KYAT3: variants seen among roughly 807,000 people sequenced by gnomAD.
The protein encoded by KYAT3 is kynurenine--oxoglutarate transaminase 3.
A neutral mutation model predicts 59.0 loss-of-function variants in KYAT3; 50 were observed. The observed-to-expected ratio is 0.85, with a 90% CI of 0.68 to 1.07. The LOEUF is 1.07. KYAT3 is among the 50% of genes least tolerant of loss of function. The pLI is 0.00. For missense variants in KYAT3, 497 were observed against 533.3 expected (o/e 0.93, Z 0.67); for synonymous variants, 148 against 177.0 (o/e 0.84, Z 1.30).
chr1:88,955,817 T>A (rs992315726), intron 8 of KYAT3, among the ~76,000 whole-genome samples: 3 of 151,850 alleles, frequency 2.0e-5, no homozygotes, highest in Admixed American at 2.0e-4. Context: ...GACCCAGTAA[T>A]CATGTGTGCA....
At chr1:88,930,819 C>T (rs1674891581), downstream of KYAT3, among the ~76,000 whole-genome samples, 1 of 151,880 alleles carries the variant, frequency 6.6e-6, no homozygotes, top group Non-Finnish European at 1.5e-5. Flanking sequence ...ATAAAGAAAC[C>T]TAAAGAGGTG....
upstream of KYAT3, chr1:88,992,769 G>C (rs1284030975): frequency 6.6e-6 from 1 of 152,318 alleles, no homozygotes; most frequent in African/African-American, 2.4e-5. Context: ...CTGGATGAGG[G>C]GTGTTTTTTT....
At position 88,936,141 on chromosome 1, in the gene KYAT3, T is replaced by G; in HGVS notation, c.*42A>C. ...GTGGCAGCACTAAGTAACAATTCCA[T>G]ACTAGGTCATCTAACAGAAACATTA... is the stretch of plus-strand genomic sequence containing the variant. On this transcript the variant is annotated 3_prime_UTR_variant, in exon 14 of 14. Transcript: ENST00000260508. The G allele has an allele frequency of 7.2e-7, 1 of 1,383,194 alleles. No homozygotes were observed. The highest frequency in any genetic ancestry group is 1.0e-6 in the Non-Finnish European group (1 of 979,844). The allele number at this position is 1,383,194 out of a possible 1,614,324, so 85.7% of individuals were successfully genotyped here. A position where few individuals can be genotyped will look rare whatever the true frequency, so the allele number is the denominator to read the frequency against.
At chr1:88,990,552 T>C (rs146528207) in intron 1 of KYAT3, among the ~76,000 whole-genome samples, 4 of 152,324 alleles carry the variant, frequency 2.6e-5, no homozygotes, top group South Asian at 2.1e-4. Context: ...AGAAACACCA[T>C]GTCCCCTTGG....
chr1:88,927,474 A>G, the KYAT3 span, among the ~76,000 whole-genome samples: 1 of 152,274 alleles, frequency 6.6e-6, no homozygotes, highest in African/African-American at 2.4e-5. Flanking sequence ...TTAAGAGACA[A>G]CTGGCAATTA....
intron 2 of KYAT3, chr1:88,982,172 C>T (rs937575292): frequency 2.2e-6 from 2 of 895,286 alleles, no homozygotes; most frequent in Non-Finnish European, 2.7e-6. Context: ...TCAGGTTTTG[C>T]ATACTGAGAA....
chr1:88,941,303 T>C (rs1042436519), intron 13 of KYAT3, among the ~76,000 whole-genome samples: 1 of 152,226 alleles, frequency 6.6e-6, no homozygotes, highest in Non-Finnish European at 1.5e-5. Flanking sequence ...ACAGTGTTTA[T>C]GTTATTCTCA....
At chr1:88,972,086 A>C (rs2101060076) in intron 2 of KYAT3, among the ~76,000 whole-genome samples, 1 of 152,352 alleles carries the variant, frequency 6.6e-6, no homozygotes, top group East Asian at 1.9e-4. Flanking sequence ...ATTTATTTTA[A>C]GGAACTGGCT....
intron 1 of KYAT3, among the ~76,000 whole-genome samples, chr1:88,991,448 G>A (rs866049452): frequency 6.6e-6 from 1 of 152,154 alleles, no homozygotes; most frequent in Non-Finnish European, 1.5e-5. Context: ...ACAAGAGTCC[G>A]ACCACTGTAA....
At chr1:88,966,205 T>C (rs905574466) in intron 4 of KYAT3, among the ~76,000 whole-genome samples, 1 of 152,098 alleles carries the variant, frequency 6.6e-6, no homozygotes, top group African/African-American at 2.4e-5. Context: ...AACTAGAATA[T>C]ACATATTAAT....
Position 88,968,799 on chromosome 1 carries a change from T to C in KYAT3, c.174A>G (p.Lys58=), listed in dbSNP as rs1676442824. 1 of 1,583,696 alleles carries C rather than the reference T, an allele frequency of 6.3e-7. No homozygotes were observed. The highest frequency in any genetic ancestry group is 2.3e-5 in the East Asian group (1 of 44,186). The change falls in exon 4 of 14, where the codon AAA becomes AAG. Residue 58 remains lysine, a synonymous_variant. Coordinates refer to ENST00000260508, the MANE Select transcript of KYAT3 (RefSeq NM_001008661.3). ...TCACAACAGAAGGGTCTGCAGCCAA[T>C]TTGGTAAATTCAATCCTAAGATTGA... ...LDSNVWIEFT[K]LAADPSVVNL...
intron 2 of KYAT3, among the ~76,000 whole-genome samples, chr1:88,973,025 AT>A (rs1676615379): frequency 6.6e-6 from 1 of 152,228 alleles, no homozygotes; most frequent in African/African-American, 2.4e-5. Flanking sequence ...AGATGAGGTC[AT>A]TAGCGTGAAC....
chr1:88,954,991 C>A (rs1394811884), intron 9 of KYAT3, among the ~76,000 whole-genome samples, 158 bp downstream of exon 9: 1 of 152,196 alleles, frequency 6.6e-6, no homozygotes, highest in Admixed American at 6.5e-5. Flanking sequence ...GTCTTGAACT[C>A]CTGGCCTTAA....
Position 88,953,046 on chromosome 1 carries a change from G to GC in KYAT3, c.954+16_954+17insG. The GC allele has an allele frequency of 6.8e-7, 1 of 1,479,562 alleles. No homozygotes were observed. Among genetic ancestry groups the GC allele is most frequent in the Non-Finnish European group, 9.5e-7 (1 of 1,057,928 alleles). The allele number at this position is 1,479,562 out of a possible 1,614,324, so 91.7% of individuals were successfully genotyped here. ...CCAAAAGACAATGCTTCTACCCTGA[G>GC]TTACTATAACACTTACCTGTAAAGG... On this transcript the variant is annotated intron_variant, in intron 10 of 13. Transcript: ENST00000260508.
intron 2 of KYAT3, chr1:88,982,737 T>C (rs1404167031): frequency 1.2e-6 from 2 of 1,613,890 alleles, no homozygotes; most frequent in Non-Finnish European, 1.7e-6. Flanking sequence ...CTTGAACTGC[T>C]GTAGGAATCA....
At chr1:88,939,872 A>G (rs1040363766) in intron 13 of KYAT3, among the ~76,000 whole-genome samples, 5 of 152,058 alleles carry the variant, frequency 3.3e-5, no homozygotes, top group African/African-American at 1.2e-4. Context: ...ATCTTACTCT[A>G]TCTTCCCTGA....
chr1:88,986,709 C>A (rs568579956), intron 2 of KYAT3, among the ~76,000 whole-genome samples: 8 of 152,192 alleles, frequency 5.3e-5, no homozygotes. Flanking sequence ...ATTCCCTTCC[C>A]GGCAGATTTT....
the KYAT3 span, among the ~76,000 whole-genome samples, chr1:88,930,061 C>T: frequency 3.0e-4 from 45 of 152,124 alleles, no homozygotes; most frequent in Non-Finnish European, 6.5e-4. Context: ...CAGAAAAAAC[C>T]GGAATAGCTC....
chr1:88,931,942 C>G (rs1459632303), downstream of KYAT3, among the ~76,000 whole-genome samples: 1 of 144,842 alleles, frequency 6.9e-6, no homozygotes, highest in Non-Finnish European at 1.5e-5. Context: ...CTCAGGTCTC[C>G]TCATCACAGC....
Sources: gnomAD v4.1 joint callset for allele counts (sites outside exome capture counted in the v4.1 genomes callset) on GRCh38, gnomAD v4.1.1 for gene constraint, MANE v1.5 for transcripts, NCBI Gene and HGNC (gene_info 2026-07-23, HGNC 2026-07-21) for gene names.